The following NR2F1-AS1 variants were observed in gnomAD, a reference collection of about 807,000 sequenced individuals.
NR2F1-AS1 encodes NR2F1 regulatory antisense RNA 1, also known as NR2F1 antisense RNA 1.
chr5:93,572,582 G>A (rs1485598921), intron 1 of NR2F1-AS1, among the ~76,000 whole-genome samples: 2 of 152,192 alleles, frequency 1.3e-5, no homozygotes, highest in Non-Finnish European at 2.9e-5. Context: ...TCTTTCTGGT[G>A]CCCCAGCCCT....
intron 4 of NR2F1-AS1, among the ~76,000 whole-genome samples, chr5:93,432,139 T>G (rs1040076782): frequency 6.6e-6 from 1 of 152,172 alleles, no homozygotes; most frequent in Non-Finnish European, 1.5e-5. Context: ...ACACCTGTGC[T>G]TTTCATTGGG....
rs553342476 is a variant in NR2F1-AS1, at chr5:93,549,132, T to G, written n.638+4629A>C. Among the ~76,000 whole-genome samples the G allele has an allele frequency of 9.2e-5, 14 of 152,268 alleles. 1 individual carries two copies. Among genetic ancestry groups the G allele is most frequent in the African/African-American group, 3.1e-4 (13 of 41,564 alleles). ...CATAAAATTAATAGTGTTAGGGGAT[T>G]GAAAATTAAATTTCAAGGTAGCCAA... On this transcript the variant is annotated intron_variant and non_coding_transcript_variant, in intron 4 of 5. Transcript: ENST00000660523.
intron 4 of NR2F1-AS1, among the ~76,000 whole-genome samples, chr5:93,468,527 T>C (rs1750293504): frequency 6.6e-6 from 1 of 152,226 alleles, no homozygotes; most frequent in Admixed American, 6.5e-5. Flanking sequence ...TTTAAGTTCC[T>C]TGTAGATTCT....
At chr5:93,517,253 G>A (rs1261045258) in intron 4 of NR2F1-AS1, among the ~76,000 whole-genome samples, 1 of 151,866 alleles carries the variant, frequency 6.6e-6, no homozygotes, top group Non-Finnish European at 1.5e-5. Context: ...GTATGTTTGT[G>A]CTGGCATTGT....
chr5:93,576,606 C>T (rs546633418), intron 1 of NR2F1-AS1, among the ~76,000 whole-genome samples: 1 of 152,134 alleles, frequency 6.6e-6, no homozygotes, highest in East Asian at 1.9e-4. Context: ...ACCAGCAGAC[C>T]TGCTGGCTTT....
At chr5:93,419,596 T>C (rs1246153012) in intron 4 of NR2F1-AS1, among the ~76,000 whole-genome samples, 48 of 152,150 alleles carry the variant, frequency 3.2e-4, no homozygotes, top group Admixed American at 3.1e-3. Flanking sequence ...TATATACTTA[T>C]ATAAACATAT....
In NR2F1-AS1 at chr5:93,418,588, A is replaced by AAAATAAATAAATAAAT. The variant is rs56873600; in HGVS notation, n.639-23062_639-23047dup. Among the ~76,000 whole-genome samples, 555 of 149,506 alleles carry AAAATAAATAAATAAAT rather than the reference A, an allele frequency of 3.7e-3. 4 individuals are homozygous for AAAATAAATAAATAAAT. Among genetic ancestry groups the AAAATAAATAAATAAAT allele is most frequent in the African/African-American group, 0.013 (511 of 40,032 alleles). On this transcript the variant is annotated intron_variant and non_coding_transcript_variant, in intron 4 of 5. Transcript: ENST00000660523. ...CAAAAGAGCGAGACGCCGTCTCATA[A>AAAATAAATAAATAAAT]AAATAAATAAATAAATAAATAAATA...
At chr5:93,509,181 A>T (rs1161330777) in intron 4 of NR2F1-AS1, among the ~76,000 whole-genome samples, 3 of 152,196 alleles carry the variant, frequency 2.0e-5, no homozygotes, top group African/African-American at 7.2e-5. Flanking sequence ...CACTGTAGGT[A>T]AATCTCAAAA....
intron 4 of NR2F1-AS1, among the ~76,000 whole-genome samples, chr5:93,433,230 A>T (rs1223179443): frequency 1.3e-5 from 2 of 152,108 alleles, no homozygotes; most frequent in Non-Finnish European, 2.9e-5. Flanking sequence ...AAGATAATTT[A>T]TTTTCTTCTT....
intron 4 of NR2F1-AS1, chr5:93,432,276 G>C (rs1749343220): frequency 6.6e-6 from 1 of 152,112 alleles, no homozygotes; most frequent in Admixed American, 6.5e-5. Flanking sequence ...TGATTTCAAT[G>C]AAAACACCAG....
intron 4 of NR2F1-AS1, among the ~76,000 whole-genome samples, chr5:93,523,127 T>G (rs963606556): frequency 6.6e-6 from 1 of 152,116 alleles, no homozygotes; most frequent in Non-Finnish European, 1.5e-5. Context: ...AGCACAGCAG[T>G]ATGAAGTCGA....
At chr5:93,490,570 AGTG>A (rs1304765806) in intron 4 of NR2F1-AS1, among the ~76,000 whole-genome samples, 6 of 101,302 alleles carry the variant, frequency 5.9e-5, no homozygotes, top group East Asian at 3.1e-4. Flanking sequence ...TGGTGATGGG[AGTG>A]GTGGTGGTGG....
intron 1 of NR2F1-AS1, chr5:93,571,228 C>G (rs1393286449): frequency 6.6e-6 from 1 of 152,074 alleles, no homozygotes; most frequent in African/African-American, 2.4e-5. Flanking sequence ...GGGGACCTAG[C>G]GCCAGGTCAC....
Position 93,413,063 on chromosome 5 carries a change from G to GGTGTGT in NR2F1-AS1, n.639-17527_639-17522dup, listed in dbSNP as rs71613591. 5.7e-3 allele frequency among the ~76,000 whole-genome samples: 792 copies of GGTGTGT among 139,262 alleles called. 6 individuals carry two copies. Among genetic ancestry groups the GGTGTGT allele is most frequent in the East Asian group, 0.035 (162 of 4,642 alleles). The allele number at this position is 139,262 out of a possible 152,430, so 91.4% of individuals were successfully genotyped here. A position where few individuals can be genotyped will look rare whatever the true frequency, so the allele number is the denominator to read the frequency against. On this transcript the variant is annotated intron_variant and non_coding_transcript_variant, in intron 4 of 5. Coordinates refer to ENST00000660523, the Ensembl canonical transcript of NR2F1-AS1. ...CAGCCTAGACAAATTATAGCACTAT[G>GGTGTGT]GTGTGTGTGTGTGTGTGTGTGTGTG...
Position 93,579,138 on chromosome 5 carries a change from G to A in NR2F1-AS1, n.313+1329C>T, listed in dbSNP as rs989364737. Among the ~76,000 whole-genome samples the A allele has an allele frequency of 6.6e-6, 1 of 152,186 alleles. No homozygotes were observed. The highest frequency in any genetic ancestry group is 1.5e-5 in the Non-Finnish European group (1 of 68,034). Reference sequence around the variant, plus strand: ...CACTCAGGCCGGACGAGTTCCAGAGGGGGACAGCGCCCTCCTCGAAAAGCC... The same window carrying A: ...CACTCAGGCCGGACGAGTTCCAGAGAGGGACAGCGCCCTCCTCGAAAAGCC... On this transcript the variant is annotated intron_variant and non_coding_transcript_variant, in intron 1 of 5. Coordinates refer to ENST00000660523, the Ensembl canonical transcript of NR2F1-AS1. The surrounding 1 kb of genome is among the most constrained non-coding windows in gnomAD (Gnocchi z 5.1).
At chr5:93,531,551 A>G (rs1192198579) in intron 4 of NR2F1-AS1, among the ~76,000 whole-genome samples, 1 of 152,232 alleles carries the variant, frequency 6.6e-6, no homozygotes, top group Non-Finnish European at 1.5e-5. Context: ...GTAAATGATC[A>G]ATACCATCTC....
chr5:93,502,921 C>G (rs1580282448), intron 4 of NR2F1-AS1, among the ~76,000 whole-genome samples: 1 of 152,146 alleles, frequency 6.6e-6, no homozygotes, highest in East Asian at 1.9e-4. Context: ...GAAAACAATA[C>G]AAATTTAATT....
chr5:93,517,607 C>T (rs1418365568), intron 4 of NR2F1-AS1, among the ~76,000 whole-genome samples: 1 of 151,838 alleles, frequency 6.6e-6, no homozygotes, highest in Admixed American at 6.6e-5. Context: ...AGAATATCCT[C>T]AAAGATCTCA....
chr5:93,460,395 A>T (rs1750062862), intron 4 of NR2F1-AS1, among the ~76,000 whole-genome samples: 1 of 152,240 alleles, frequency 6.6e-6, no homozygotes, highest in Non-Finnish European at 1.5e-5. Context: ...TAGTCTGAGG[A>T]CCACAGAAAG....
Sources: allele counts gnomAD v4.1 joint callset (sites outside exome capture counted in the v4.1 genomes callset), GRCh38; gene constraint gnomAD v4.1.1; non-coding constraint Gnocchi (gnomAD v3.1); transcripts MANE v1.5; gene names NCBI Gene and HGNC (gene_info 2026-07-23, HGNC 2026-07-21).